Variants in OTUD7A observed in about 807,000 individuals in gnomAD.
OTUD7A encodes OTU deubiquitinase 7A.
A neutral mutation model predicts 65.7 loss-of-function variants in OTUD7A; 12 were observed. That is an observed-to-expected ratio of 0.18 (90% CI 0.12 to 0.30). OTUD7A has a LOEUF of 0.30. OTUD7A is among the 10% of genes least tolerant of loss of function. The probability of loss-of-function intolerance (pLI) is 1.00; values close to 1 mark genes in which losing one functional copy is unlikely to be tolerated. For synonymous variants in OTUD7A, 641 were observed against 586.3 expected, an observed-to-expected ratio of 1.09 and a Z score of -1.35; for missense variants, 1,148 against 1,304.8, an observed-to-expected ratio of 0.88 and a Z score of 1.85.
chr15:31,581,969 A>T (rs1023869842), intron 3 of OTUD7A, among the ~76,000 whole-genome samples: 5 of 152,176 alleles, frequency 3.3e-5, no homozygotes, highest in Non-Finnish European at 7.4e-5. Context: ...TTTTCAACAT[A>T]AGCTCCTATT....
At chr15:31,682,626 G>A (rs1164878369) in intron 1 of OTUD7A, among the ~76,000 whole-genome samples, 1 of 152,220 alleles carries the variant, frequency 6.6e-6, no homozygotes, top group Non-Finnish European at 1.5e-5. Flanking sequence ...TCCAAAAAAT[G>A]ATGCTGGAGC....
At chr15:31,626,277 T>C (rs1429513555) in intron 3 of OTUD7A, among the ~76,000 whole-genome samples, 3 of 152,142 alleles carry the variant, frequency 2.0e-5, no homozygotes, top group Admixed American at 6.5e-5. Context: ...TATCTACAAC[T>C]TACCTTGAAA....
intron 1 of OTUD7A, among the ~76,000 whole-genome samples, chr15:31,676,111 G>A (rs1892589793): frequency 6.6e-6 from 1 of 152,194 alleles, no homozygotes; most frequent in Admixed American, 6.5e-5. Context: ...AAGATATTGT[G>A]ACTAAAGTGA....
chr15:31,555,872 G>C (rs1236135621), intron 5 of OTUD7A: 2 of 38,736 alleles, frequency 5.2e-5, no homozygotes, highest in Non-Finnish European at 8.5e-5. Context: ...TTTGAGACAG[G>C]GTTTTGTTAC....
intron 3 of OTUD7A, among the ~76,000 whole-genome samples, chr15:31,629,221 C>T (rs1391944239): frequency 6.6e-6 from 1 of 152,110 alleles, no homozygotes; most frequent in African/African-American, 2.4e-5. Context: ...ATGATATTGG[C>T]TGTGGGTTTG....
At chr15:31,720,550 G>A (rs1245051783) in intron 1 of OTUD7A, among the ~76,000 whole-genome samples, 4 of 151,926 alleles carry the variant, frequency 2.6e-5, no homozygotes, top group Admixed American at 6.5e-5. Context: ...ACAGGCGCCC[G>A]CCACCTCGCC....
intron 1 of OTUD7A, among the ~76,000 whole-genome samples, chr15:31,856,901 G>A (rs1272860106): frequency 6.6e-6 from 1 of 152,210 alleles, no homozygotes; most frequent in Non-Finnish European, 1.5e-5. Flanking sequence ...TTGTTGGACA[G>A]AGCGCTGTCA....
intron 1 of OTUD7A, among the ~76,000 whole-genome samples, chr15:31,713,139 G>C (rs558252084): frequency 6.6e-6 from 1 of 152,108 alleles, no homozygotes; most frequent in Admixed American, 6.5e-5. Flanking sequence ...TGAGTCCATG[G>C]GAAAGCCATA....
chr15:31,556,588 G>C (rs910127770), intron 5 of OTUD7A: 15 of 152,230 alleles, frequency 9.9e-5, no homozygotes, highest in African/African-American at 3.6e-4. Flanking sequence ...AGAAGTGAAG[G>C]CTTTTGCTAA....
chr15:31,631,366 A>G (rs1891147330), intron 3 of OTUD7A, among the ~76,000 whole-genome samples: 1 of 152,204 alleles, frequency 6.6e-6, no homozygotes, highest in South Asian at 2.1e-4. Context: ...TTGGCTGGAT[A>G]TGAAATTCTG....
In OTUD7A at chr15:31,534,778, G is replaced by C. The variant is rs189389928; in HGVS notation, c.551-3970C>G. Among the ~76,000 whole-genome samples the C allele has an allele frequency of 1.6e-4, 25 of 152,208 alleles. 1 individual carries two copies. Among genetic ancestry groups the C allele is most frequent in the Non-Finnish European group, 3.4e-4 (23 of 68,006 alleles). On this transcript the variant is annotated intron_variant, in intron 5 of 12. Coordinates refer to ENST00000307050, the MANE Select transcript of OTUD7A (RefSeq NM_001382637.1). ...AGTATCTGCACAGGATTGGTTCTGG[G>C]ACCCCGCCGACATACACCCAAATCT...
At chr15:31,655,318 G>T in intron 2 of OTUD7A, 68 bp from the exon 3 acceptor site, 1 of 683,794 alleles carries the variant, frequency 1.5e-6, no homozygotes, top group Non-Finnish European at 2.5e-6. Context: ...ACAACTACAT[G>T]CAGAGACCTG....
chr15:31,611,061 T>A (rs1890404995), intron 3 of OTUD7A, among the ~76,000 whole-genome samples: 1 of 151,812 alleles, frequency 6.6e-6, no homozygotes, highest in East Asian at 1.9e-4. Context: ...GATCATTGGG[T>A]CAAAAATGAA....
rs991184530 is a variant in OTUD7A, at chr15:31,686,269, G to A, written c.-99-29192C>T. On this transcript the variant is annotated intron_variant, in intron 1 of 12. Transcript: ENST00000307050. Reference sequence around the variant, plus strand: ...CCTGGGAGTGGGCCTCTCTGCAGGGGCTTTGCCTTGGCTTCCAGCCACCTC... The same window carrying A: ...CCTGGGAGTGGGCCTCTCTGCAGGGACTTTGCCTTGGCTTCCAGCCACCTC... 2.0e-5 allele frequency among the ~76,000 whole-genome samples: 3 copies of A among 152,248 alleles called. No homozygotes were observed. In the East Asian group the frequency reaches 5.8e-4, roughly 29 times the overall value.
intron 1 of OTUD7A, among the ~76,000 whole-genome samples, chr15:31,683,085 A>T (rs1048090270): frequency 6.6e-6 from 1 of 152,234 alleles, no homozygotes; most frequent in African/African-American, 2.4e-5. Context: ...TTAAGAAAAA[A>T]TAATTTAGAT....
chr15:31,723,618 A>G (rs1352963640), intron 1 of OTUD7A, among the ~76,000 whole-genome samples: 1 of 102,816 alleles, frequency 9.7e-6, no homozygotes, highest in Admixed American at 1.1e-4. Context: ...AGAGAGAGCT[A>G]GTTCATTTCC....
rs200755213 is a variant in OTUD7A at position 31,530,766 on chromosome 15, C to T, written c.593G>A (p.Arg198Gln). The T allele has an allele frequency of 2.5e-5, 41 of 1,614,112 alleles. No homozygotes were observed. The highest frequency in any genetic ancestry group is 3.3e-5 in the South Asian group (3 of 91,080). ...CCCTGTTGTGGCCAGAGGAAGAAGC[C>T]GTTTACAGCTCGTGCACACAGTGGA... ...WWSTVCTSCK[R>Q]LLPLATTGDG... Residue 198 changes from arginine to glutamine, a missense_variant, in exon 6 of 13, where the codon CGG (arginine) becomes CAG (glutamine). Arg to Gln is a conservative substitution (Grantham distance 43, BLOSUM62 1). This residue lies in a region of OTUD7A where 134 missense variants were observed against 252.6 expected (regional missense o/e 0.53). Transcript: ENST00000307050.
chr15:31,546,152 T>C lies in OTUD7A; in HGVS notation c.550+12817A>G, dbSNP rs189955998. Among the ~76,000 whole-genome samples, 82 of 152,322 alleles carry C rather than the reference T, an allele frequency of 5.4e-4. 1 individual carries two copies. The highest frequency in any genetic ancestry group is 1.9e-3 in the African/African-American group (79 of 41,576). ...CAAGGAACTCGAACATCTGAGAATT[T>C]CAGTATCTGGAGGGTCCTGGAACAA... is the stretch of plus-strand genomic sequence containing the variant. On this transcript the variant is annotated intron_variant, in intron 5 of 12. Transcript: ENST00000307050.
At chr15:31,519,485 T>C (rs754038000) in intron 8 of OTUD7A, among the ~76,000 whole-genome samples, 36 of 152,190 alleles carry the variant, frequency 2.4e-4, no homozygotes, top group Non-Finnish European at 4.4e-4. Context: ...AAACTAGGCA[T>C]AGAAAGAACA....
Sources: allele counts gnomAD v4.1 joint callset (sites outside exome capture counted in the v4.1 genomes callset), GRCh38; gene constraint gnomAD v4.1.1; regional missense constraint gnomAD v4.1.1; transcripts MANE v1.5; gene names NCBI Gene and HGNC (gene_info 2026-07-23, HGNC 2026-07-21).